The following FMN1 variants were observed in gnomAD, a reference collection of about 807,000 sequenced individuals.
The protein encoded by FMN1 is formin-1.
A neutral mutation model predicts 132.4 loss-of-function variants in FMN1; 110 were observed. The observed-to-expected ratio is 0.83, with a 90% confidence interval of 0.71 to 0.97. FMN1 has a LOEUF of 0.97. Ranked by LOEUF, FMN1 falls within the 50% of genes least tolerant of loss-of-function variation. The pLI is 0.00. For missense variants in FMN1, 1,792 were observed against 1,705.3 expected, an observed-to-expected ratio of 1.05 and a Z score of -0.90; for synonymous variants, 722 against 651.7, an observed-to-expected ratio of 1.11 and a Z score of -1.64.
chr15:33,119,930 T>G (rs1306695862), intron 4 of FMN1, among the ~76,000 whole-genome samples: 1 of 152,218 alleles, frequency 6.6e-6, no homozygotes, highest in South Asian at 2.1e-4. Flanking sequence ...GTGTCTTCTA[T>G]CTAAAGAGCT....
chr15:33,114,694 G>T (rs1189124308), intron 4 of FMN1, among the ~76,000 whole-genome samples: 1 of 152,178 alleles, frequency 6.6e-6, no homozygotes, highest in African/African-American at 2.4e-5. Flanking sequence ...CACAACTGCT[G>T]TAATGTCTCC....
At chr15:33,085,537 T>C (rs2038654987) in intron 5 of FMN1, among the ~76,000 whole-genome samples, 1 of 149,766 alleles carries the variant, frequency 6.7e-6, no homozygotes, top group Middle Eastern at 3.6e-3. Context: ...CATGTATTTA[T>C]ACATATATTA....
At chr15:32,829,890 C>G (rs539187316) in intron 17 of FMN1, among the ~76,000 whole-genome samples, 4 of 152,200 alleles carry the variant, frequency 2.6e-5, no homozygotes, top group Admixed American at 2.6e-4. Context: ...AATACCCACA[C>G]AGAAATGAGG....
Position 32,798,859 on chromosome 15 carries a change from A to G in FMN1, c.4075T>C (p.Cys1359Arg). ...SYVFMVWYEF[C>R]SDFKTIWKRE... ...TTCCAAATTGTCTTGAAGTCACTGCAGAACTCATACCACACCATAAACACG... is the reference window on the plus strand; with the variant it reads ...TTCCAAATTGTCTTGAAGTCACTGCGGAACTCATACCACACCATAAACACG... The change falls in exon 19 of 21, where the codon TGC (cysteine) becomes CGC (arginine). Residue 1359 changes from cysteine (C) to arginine (R), a missense_variant. Cys to Arg is a radical substitution (Grantham distance 180). Transcript: ENST00000616417. 1 of 1,613,796 alleles carries G rather than the reference A, an allele frequency of 6.2e-7. No individual in the cohort carries two copies. The highest frequency in any genetic ancestry group is 1.3e-5 in the African/African-American group (1 of 75,042).
At chr15:32,850,905 C>G (rs2058993153) in intron 17 of FMN1, among the ~76,000 whole-genome samples, 1 of 151,848 alleles carries the variant, frequency 6.6e-6, no homozygotes, top group Non-Finnish European at 1.5e-5. Flanking sequence ...AAGAATATCT[C>G]TAATCTAGCC....
rs553977124 is a variant in FMN1 at position 33,169,992 on chromosome 15, C to CAGG, written c.-132+10205_-132+10206insCCT. ...TCCTTCTCAAAAAGCCCAATACCAT[C>CAGG]AGAAGAAAGACGCATTTAGCTGCAT... On this transcript the variant is annotated intron_variant, in intron 3 of 20. Transcript: ENST00000616417. Among the ~76,000 whole-genome samples, 29 of 152,208 alleles carry CAGG rather than the reference C, an allele frequency of 1.9e-4. No homozygotes were observed. In the South Asian group the frequency reaches 5.2e-3, roughly 27 times the overall value.
intron 9 of FMN1, among the ~76,000 whole-genome samples, chr15:32,958,667 C>A (rs192650665): frequency 6.6e-6 from 1 of 152,170 alleles, no homozygotes; most frequent in Non-Finnish European, 1.5e-5. Flanking sequence ...ATCTGAGTTC[C>A]ACAGACTCTT....
At chr15:33,128,665 G>A (rs536658758) in intron 4 of FMN1, among the ~76,000 whole-genome samples, 5 of 152,304 alleles carry the variant, frequency 3.3e-5, no homozygotes, top group African/African-American at 1.2e-4. Flanking sequence ...ATGCTCCGGT[G>A]AGTTTGTAGT....
intron 19 of FMN1, among the ~76,000 whole-genome samples, chr15:32,786,020 G>A (rs983056693): frequency 6.6e-6 from 1 of 152,194 alleles, no homozygotes; most frequent in African/African-American, 2.4e-5. Context: ...GATACGGTAT[G>A]CTCTGTGTGC....
intron 4 of FMN1, among the ~76,000 whole-genome samples, chr15:33,101,536 G>A (rs1199585894): frequency 6.6e-6 from 1 of 152,090 alleles, no homozygotes; most frequent in African/African-American, 2.4e-5. Flanking sequence ...AAGCTGCCCT[G>A]GGATAGGAGT....
chr15:33,157,041 G>T (rs1964698613), intron 3 of FMN1, among the ~76,000 whole-genome samples: 1 of 152,008 alleles, frequency 6.6e-6, no homozygotes, highest in African/African-American at 2.4e-5. Flanking sequence ...GCCGAGGTGG[G>T]CAGATCACCA....
chr15:32,916,872 G>A (rs1338925574), intron 10 of FMN1, among the ~76,000 whole-genome samples: 3 of 152,090 alleles, frequency 2.0e-5, no homozygotes, highest in Non-Finnish European at 4.4e-5. Flanking sequence ...AATTCAATCA[G>A]TAAGAGAAAG....
At chr15:32,960,103 T>C (rs2030336636) in intron 9 of FMN1, among the ~76,000 whole-genome samples, 1 of 152,266 alleles carries the variant, frequency 6.6e-6, no homozygotes, top group African/African-American at 2.4e-5. Context: ...CCATCTCATA[T>C]GAATCTAATT....
At chr15:32,806,566 G>A (rs1235017493) in intron 17 of FMN1, among the ~76,000 whole-genome samples, 1 of 152,166 alleles carries the variant, frequency 6.6e-6, no homozygotes, top group Non-Finnish European at 1.5e-5. Context: ...CCTTGACATA[G>A]TATCTACAGT....
intron 10 of FMN1, among the ~76,000 whole-genome samples, chr15:32,912,541 TAAC>T (rs1194426635): frequency 6.6e-6 from 1 of 152,152 alleles, no homozygotes; most frequent in Non-Finnish European, 1.5e-5. Flanking sequence ...TAATTTCAGA[TAAC>T]AATTTACTAT....
chr15:32,882,468 C>A (rs749670110), intron 16 of FMN1, among the ~76,000 whole-genome samples: 1 of 152,152 alleles, frequency 6.6e-6, no homozygotes, highest in African/African-American at 2.4e-5. Context: ...AATGGACACA[C>A]GCCACACCCT....
chr15:33,047,768 T>C (rs1417327668), intron 6 of FMN1, among the ~76,000 whole-genome samples: 1 of 152,144 alleles, frequency 6.6e-6, no homozygotes, highest in Non-Finnish European at 1.5e-5. Flanking sequence ...TTTCTGAAGA[T>C]CTGTTTTGCC....
rs1486745933 is a variant in FMN1 at position 32,964,124 on chromosome 15, T to C, written c.3121A>G (p.Lys1041Glu). 1 of 1,611,720 alleles carries C rather than the reference T, an allele frequency of 6.2e-7. No homozygotes were observed. Reference sequence around the variant, plus strand: ...CTCAGTACCTTTTTGACCTTGTTTTTCTTCTCATAAGTCTCTGACAGAGGT... The same window carrying C: ...CTCAGTACCTTTTTGACCTTGTTTTCCTTCTCATAAGTCTCTGACAGAGGT... Reference protein sequence around the residue: ...KKPLSETYEKKNKVKKIIKLL... With the variant: ...KKPLSETYEKENKVKKIIKLL... The change falls in exon 9 of 21, where the codon AAA (lysine) becomes GAA (glutamate). Residue 1041 changes from lysine (K) to glutamate (E), a missense_variant. Lys to Glu is a moderately conservative substitution (Grantham distance 56). This residue lies in a region of FMN1 where 1,150 missense variants were observed against 1,043.1 expected (regional missense o/e 1.10). Coordinates refer to ENST00000616417, the MANE Select transcript of FMN1 (RefSeq NM_001277313.2).
chr15:32,885,015 C>T (rs2059861734), intron 16 of FMN1, among the ~76,000 whole-genome samples: 1 of 152,208 alleles, frequency 6.6e-6, no homozygotes. Flanking sequence ...TCCTATGATG[C>T]AGGTCCTATA....
Sources: allele counts gnomAD v4.1 joint callset (sites outside exome capture counted in the v4.1 genomes callset), GRCh38; gene constraint gnomAD v4.1.1; regional missense constraint gnomAD v4.1.1; transcripts MANE v1.5; gene names NCBI Gene and HGNC (gene_info 2026-07-23, HGNC 2026-07-21).